Variants in SLC9A9 observed in about 807,000 individuals in gnomAD.
SLC9A9 encodes the protein sodium/hydrogen exchanger 9.
SLC9A9 carries 62 observed loss-of-function variants against 77.8 expected under a neutral mutation model. That is an observed-to-expected ratio of 0.80 (90% CI 0.65 to 0.98). The LOEUF (loss-of-function observed/expected upper bound fraction) is 0.98. Among genes scored for constraint, SLC9A9 ranks in the 50% least tolerant of loss-of-function variants. The pLI is 0.00. For missense variants in SLC9A9, 775 were observed against 774.9 expected (o/e 1.00, Z 0.00); for synonymous variants, 320 against 283.5 (o/e 1.13, Z -1.29).
At chr3:143,291,585 T>C (rs916033067) in intron 14 of SLC9A9, among the ~76,000 whole-genome samples, 2 of 152,116 alleles carry the variant, frequency 1.3e-5, no homozygotes, top group African/African-American at 4.8e-5. Context: ...GAAAAGGCTA[T>C]TGGGCTGGAG....
intron 9 of SLC9A9, among the ~76,000 whole-genome samples, chr3:143,507,826 G>A (rs1024354373): frequency 9.2e-5 from 14 of 152,188 alleles, no homozygotes; most frequent in African/African-American, 3.4e-4. Flanking sequence ...CAGATCTGGT[G>A]TTGAGAGCCC....
chr3:143,496,103 C>G (rs970580742), intron 9 of SLC9A9, among the ~76,000 whole-genome samples: 1 of 152,114 alleles, frequency 6.6e-6, no homozygotes, highest in Admixed American at 6.5e-5. Context: ...TCCCAGGGAT[C>G]GGTTTATGCA....
At chr3:143,741,759 C>T (rs1021905730) in intron 4 of SLC9A9, among the ~76,000 whole-genome samples, 5 of 152,010 alleles carry the variant, frequency 3.3e-5, no homozygotes, top group Admixed American at 6.6e-5. Context: ...CGGTGATCTT[C>T]CCCCTAACCC....
chr3:143,648,502 C>T (rs1466838476), intron 6 of SLC9A9, among the ~76,000 whole-genome samples: 1 of 152,192 alleles, frequency 6.6e-6, no homozygotes, highest in East Asian at 1.9e-4. Flanking sequence ...CATTGCTCAC[C>T]TCCTGCTGTG....
chr3:143,709,232 T>C (rs967818195), intron 4 of SLC9A9, among the ~76,000 whole-genome samples: 1 of 152,200 alleles, frequency 6.6e-6, no homozygotes, highest in South Asian at 2.1e-4. Flanking sequence ...AAAATCATGA[T>C]GCCAAGGCTG....
intron 5 of SLC9A9, among the ~76,000 whole-genome samples, chr3:143,680,368 T>C (rs1237132012): frequency 6.6e-6 from 1 of 152,160 alleles, no homozygotes; most frequent in Non-Finnish European, 1.5e-5. Flanking sequence ...TTATATAGTT[T>C]GCTAAAGTTT....
chr3:143,365,814 T>C (rs893855820), intron 13 of SLC9A9, among the ~76,000 whole-genome samples: 1 of 152,202 alleles, frequency 6.6e-6, no homozygotes, highest in Non-Finnish European at 1.5e-5. Flanking sequence ...CTGCAAACTG[T>C]TTCTGAGCCA....
chr3:143,781,723 A>G (rs918048181), intron 4 of SLC9A9, among the ~76,000 whole-genome samples: 1 of 152,240 alleles, frequency 6.6e-6, no homozygotes, highest in South Asian at 2.1e-4. Flanking sequence ...TCTAGCAGCA[A>G]TGGCCTTCAA....
intron 6 of SLC9A9, among the ~76,000 whole-genome samples, chr3:143,591,615 C>A (rs776659234): frequency 1.3e-4 from 20 of 152,062 alleles, no homozygotes; most frequent in Admixed American, 6.5e-4. Flanking sequence ...CTAACTCAAG[C>A]AATTAATAGA....
At chr3:143,442,673 G>A (rs1485700807) in intron 12 of SLC9A9, among the ~76,000 whole-genome samples, 1 of 152,230 alleles carries the variant, frequency 6.6e-6, no homozygotes, top group Non-Finnish European at 1.5e-5. Context: ...AGTGAGCCAA[G>A]ATTGTTGTGC....
At chr3:143,742,870 A>G (rs1454425762) in intron 4 of SLC9A9, among the ~76,000 whole-genome samples, 1 of 152,070 alleles carries the variant, frequency 6.6e-6, no homozygotes, top group African/African-American at 2.4e-5. Context: ...TCTTTGTACT[A>G]TGTGCTCAAT....
intron 12 of SLC9A9, among the ~76,000 whole-genome samples, chr3:143,407,118 A>G (rs1326015301): frequency 6.6e-6 from 1 of 152,232 alleles, no homozygotes; most frequent in Non-Finnish European, 1.5e-5. Flanking sequence ...CGCCTAAAGT[A>G]TCACATCAAC....
chr3:143,832,077 T>C lies in SLC9A9; in HGVS notation c.320A>G (p.Lys107Arg). Residue 107 changes from lysine to arginine, a missense_variant, in exon 2 of 16, where the codon AAA (lysine) becomes AGA (arginine). By Grantham distance (26) the Lys-to-Arg change is conservative. Coordinates refer to ENST00000316549, the MANE Select transcript of SLC9A9 (RefSeq NM_173653.4). ...ITDQVYEYKY[K>R]REISQHNINP... is the part of the protein sequence containing the mutation. ...GATGTTGTGCTGACTTATTTCTCTT[T>C]TGTATTTATATTCATAAACTTGGTC... The C allele has an allele frequency of 1.2e-6, 2 of 1,613,198 alleles. No individual in the cohort carries two copies. Among genetic ancestry groups the C allele is most frequent in the Non-Finnish European group, 1.7e-6 (2 of 1,179,538 alleles).
chr3:143,395,332 A>C (rs1461526368), intron 12 of SLC9A9, among the ~76,000 whole-genome samples: 1 of 152,352 alleles, frequency 6.6e-6, no homozygotes, highest in Non-Finnish European at 1.5e-5. Flanking sequence ...AACCTGACAA[A>C]AACAAGGAAT....
At chr3:143,297,620 A>T (rs1270892377) in intron 14 of SLC9A9, among the ~76,000 whole-genome samples, 1 of 152,216 alleles carries the variant, frequency 6.6e-6, no homozygotes. Flanking sequence ...TAGCAATATT[A>T]AGTCTTCTAA....
chr3:143,472,223 C>T (rs1164304275), intron 11 of SLC9A9, among the ~76,000 whole-genome samples: 1 of 152,174 alleles, frequency 6.6e-6, no homozygotes, highest in African/African-American at 2.4e-5. Flanking sequence ...GTCCTACAAA[C>T]ATGACTCTTT....
chr3:143,651,377 GA>G (rs1276614975), intron 6 of SLC9A9, among the ~76,000 whole-genome samples: 2 of 151,628 alleles, frequency 1.3e-5, no homozygotes, highest in Non-Finnish European at 2.9e-5. Flanking sequence ...CAAAAAGAAA[GA>G]AAAAAAAGAG....
intron 8 of SLC9A9, among the ~76,000 whole-genome samples, chr3:143,552,838 A>G (rs1480087405): frequency 1.3e-5 from 2 of 152,096 alleles, no homozygotes; most frequent in African/African-American, 2.4e-5. Context: ...ATACTGGCAT[A>G]TTTTCTGAAA....
intron 1 of SLC9A9, among the ~76,000 whole-genome samples, chr3:143,835,133 C>G (rs531751352): frequency 6.6e-6 from 1 of 152,338 alleles, no homozygotes; most frequent in African/African-American, 2.4e-5. Context: ...TTCCTTCTCT[C>G]TCTTCACAGG....
Sources: allele counts gnomAD v4.1 joint callset (sites outside exome capture counted in the v4.1 genomes callset), GRCh38; gene constraint gnomAD v4.1.1; transcripts MANE v1.5; gene names NCBI Gene and HGNC (gene_info 2026-07-23, HGNC 2026-07-21).